CAST: variants seen among roughly 807,000 people sequenced by gnomAD.
CAST encodes calpastatin.
A neutral mutation model predicts 119.6 loss-of-function variants in CAST; 76 were observed. The ratio of observed to expected loss-of-function variants is 0.64; its 90% CI spans 0.53 to 0.77. The LOEUF is 0.77. Among genes scored for constraint, CAST ranks in the 30% least tolerant of loss-of-function variants. The pLI, the probability that CAST is intolerant of heterozygous loss-of-function variation, is 0.00. For missense variants in CAST, 953 were observed against 946.5 expected (o/e 1.01, Z -0.09); for synonymous variants, 319 against 331.6 (o/e 0.96, Z 0.41).
chr5:96,762,586 A>AC, intron 25 of CAST: 1 of 458,822 alleles, frequency 2.2e-6, no homozygotes, highest in Non-Finnish European at 3.9e-6. Context: ...AAAACATTGT[A>AC]CACATAGTCA....
At chr5:96,680,179 A>G (rs1445617929) in intron 2 of CAST, among the ~76,000 whole-genome samples, 1 of 151,140 alleles carries the variant, frequency 6.6e-6, no homozygotes, top group Non-Finnish European at 1.5e-5. Context: ...TGAAACCCCA[A>G]CTCTACTAAA....
the CAST span, among the ~76,000 whole-genome samples, chr5:96,135,241 A>T: frequency 2.0e-5 from 3 of 152,238 alleles, no homozygotes; most frequent in African/African-American, 7.2e-5. Context: ...GAAAGGATGG[A>T]GTATACAAAG....
chr5:96,200,268 C>A, the CAST span, among the ~76,000 whole-genome samples: 1 of 151,996 alleles, frequency 6.6e-6, no homozygotes. Flanking sequence ...AAATATTGCC[C>A]CAGGGGAATC....
the CAST span, among the ~76,000 whole-genome samples, chr5:96,362,008 G>T: frequency 6.6e-6 from 1 of 151,744 alleles, no homozygotes; most frequent in East Asian, 1.9e-4. Context: ...GACAGGCCCC[G>T]GTGTGTGATG....
the CAST span, among the ~76,000 whole-genome samples, chr5:95,977,776 G>C: frequency 1.3e-5 from 2 of 151,980 alleles, no homozygotes; most frequent in Non-Finnish European, 2.9e-5. Flanking sequence ...CTCATTATCT[G>C]TTTTTCCTGA....
the CAST span, among the ~76,000 whole-genome samples, chr5:96,078,120 G>T: frequency 6.6e-6 from 1 of 152,160 alleles, no homozygotes; most frequent in African/African-American, 2.4e-5. Context: ...GAGAGCACAA[G>T]CTCTCTTGTC....
the CAST span, among the ~76,000 whole-genome samples, chr5:96,238,967 T>C: frequency 6.6e-6 from 1 of 152,126 alleles, no homozygotes; most frequent in African/African-American, 2.4e-5. Context: ...TGGGTATAGG[T>C]ATATTAAATT....
At chr5:95,961,578 G>C in the CAST span, 1 of 1,593,352 alleles carries the variant, frequency 6.3e-7, no homozygotes, top group Non-Finnish European at 8.5e-7. Context: ...CGCTCACCTT[G>C]TGGCTCTGGT....
chr5:96,594,565 T>C (rs1332584556), intron 1 of CAST, among the ~76,000 whole-genome samples: 1 of 152,248 alleles, frequency 6.6e-6, no homozygotes, highest in Non-Finnish European at 1.5e-5. Flanking sequence ...TTTAATTTTT[T>C]ATTTACTTAG....
chr5:96,229,967 A>G, the CAST span, among the ~76,000 whole-genome samples: 4 of 152,174 alleles, frequency 2.6e-5, no homozygotes, highest in African/African-American at 9.6e-5. Flanking sequence ...GCTGTTTATC[A>G]GTGACCTTTG....
chr5:96,286,775 TTTTA>T, the CAST span, among the ~76,000 whole-genome samples: 1 of 152,142 alleles, frequency 6.6e-6, no homozygotes, highest in Non-Finnish European at 1.5e-5. Flanking sequence ...AAAATAACAT[TTTTA>T]TTTATTATCA....
At chr5:96,487,481 T>A in the CAST span, among the ~76,000 whole-genome samples, 1 of 152,238 alleles carries the variant, frequency 6.6e-6, no homozygotes, top group Non-Finnish European at 1.5e-5. Flanking sequence ...ACATAAGCCA[T>A]CTGATGTTTA....
the CAST span, among the ~76,000 whole-genome samples, chr5:96,296,732 C>T: frequency 1.3e-5 from 2 of 152,208 alleles, no homozygotes; most frequent in African/African-American, 4.8e-5. Flanking sequence ...TGTTAACTCT[C>T]TGCTGATGTC....
chr5:96,577,414 T>G (rs1322508549), intron 1 of CAST, among the ~76,000 whole-genome samples: 2 of 152,114 alleles, frequency 1.3e-5, no homozygotes, highest in African/African-American at 2.4e-5. Context: ...TTTTCTTCTT[T>G]CTGCTTGTCT....
the CAST span, among the ~76,000 whole-genome samples, chr5:96,190,645 C>G: frequency 6.6e-6 from 1 of 152,184 alleles, no homozygotes; most frequent in Non-Finnish European, 1.5e-5. Context: ...TTTGCGGCAA[C>G]CTGTGTCCTC....
the CAST span, among the ~76,000 whole-genome samples, chr5:96,471,070 T>C: frequency 1.3e-5 from 2 of 152,186 alleles, no homozygotes. Context: ...CTTGGAGATC[T>C]TTGTAATTGT....
the CAST span, among the ~76,000 whole-genome samples, chr5:96,207,441 C>A: frequency 6.6e-6 from 1 of 152,136 alleles, no homozygotes; most frequent in African/African-American, 2.4e-5. Context: ...GTGAGTTTGT[C>A]ATAGATAGCC....
chr5:96,130,933 T>C, the CAST span, among the ~76,000 whole-genome samples: 1 of 152,148 alleles, frequency 6.6e-6, no homozygotes, highest in Non-Finnish European at 1.5e-5. Flanking sequence ...TTGAGTGAAG[T>C]GTGATTGCTA....
the CAST span, among the ~76,000 whole-genome samples, chr5:96,126,795 T>C: frequency 6.6e-6 from 1 of 152,160 alleles, no homozygotes; most frequent in Non-Finnish European, 1.5e-5. Flanking sequence ...ATGCAGAAGA[T>C]ATTATTTTCC....
Sources: gnomAD v4.1 joint callset for allele counts (sites outside exome capture counted in the v4.1 genomes callset) on GRCh38, gnomAD v4.1.1 for gene constraint, MANE v1.5 for transcripts, NCBI Gene and HGNC (gene_info 2026-07-23, HGNC 2026-07-21) for gene names.